Variants in CCDC47 observed in about 807,000 individuals in gnomAD.
The protein encoded by CCDC47 is PAT complex subunit CCDC47.
Under a neutral mutation model 60.5 loss-of-function variants are expected in CCDC47, and 41 were observed. That is an observed-to-expected ratio of 0.68 (90% CI 0.53 to 0.88). CCDC47 has a LOEUF of 0.88. CCDC47 is among the 40% of genes least tolerant of loss of function. CCDC47 has a pLI of 0.00. For missense variants in CCDC47, 513 were observed against 580.9 expected, an observed-to-expected ratio of 0.88 and a Z score of 1.20; for synonymous variants, 195 against 190.7, an observed-to-expected ratio of 1.02 and a Z score of -0.18.
At position 63,746,871 on chromosome 17, in the gene CCDC47, T is replaced by C; in HGVS notation, c.*10A>G. 6.2e-7 allele frequency: 1 copy of C among 1,607,214 alleles called. No individual in the cohort carries two copies. The highest frequency in any genetic ancestry group is 8.5e-7 in the Non-Finnish European group (1 of 1,173,864). ...CAGGTGGCATCAGAACTCAAATCTC[T>C]GGGATGGCTTTACATGGCTTTCACT... is the stretch of plus-strand genomic sequence containing the variant. On this transcript the variant is annotated 3_prime_UTR_variant, in exon 13 of 13. Transcript: ENST00000225726.
chr17:63,751,615 C>T (rs776256742), intron 12 of CCDC47, among the ~76,000 whole-genome samples: 3 of 151,874 alleles, frequency 2.0e-5, no homozygotes, highest in African/African-American at 4.8e-5. Context: ...GATAATAGGG[C>T]GCATGTGCTG....
chr17:63,754,891 G>GAA (rs368843852), intron 8 of CCDC47, among the ~76,000 whole-genome samples: 3,037 of 113,926 alleles, frequency 0.027, 44 homozygotes, highest in Middle Eastern at 0.049. Context: ...TCAAAAAAAA[G>GAA]AAAAAAAAAA....
intron 12 of CCDC47, chr17:63,747,265 A>G: frequency 1.0e-6 from 1 of 985,112 alleles, no homozygotes; most frequent in Non-Finnish European, 1.2e-6. Flanking sequence ...TTCTGTACCC[A>G]GGGAACACTT....
At chr17:63,750,194 C>T (rs977975512) in intron 12 of CCDC47, among the ~76,000 whole-genome samples, 2 of 152,046 alleles carry the variant, frequency 1.3e-5, no homozygotes, top group African/African-American at 4.8e-5. Context: ...AGTTTCAAAC[C>T]TTAGAAAGAA....
chr17:63,773,330 C>G (rs1483831646), intron 1 of CCDC47, 82 bp downstream of exon 1: 1 of 152,332 alleles, frequency 6.6e-6, no homozygotes, highest in South Asian at 2.1e-4. Context: ...TCAACCGGAC[C>G]GGGCTACAGG....
chr17:63,772,578 C>CT (rs144783551), intron 1 of CCDC47, among the ~76,000 whole-genome samples: 69 of 152,048 alleles, frequency 4.5e-4, no homozygotes, highest in Non-Finnish European at 3.8e-4. Flanking sequence ...ACTCTTAAAA[C>CT]TTTTTTTTCA....
chr17:63,749,481 C>T (rs1321428420), intron 12 of CCDC47, among the ~76,000 whole-genome samples: 3 of 139,012 alleles, frequency 2.2e-5, no homozygotes, highest in Admixed American at 1.4e-4. Context: ...AGACCTGGCA[C>T]GGTGGCTCAC....
chr17:63,751,854 C>G (rs1412060226), intron 12 of CCDC47, 86 bp downstream of exon 12: 1 of 1,438,052 alleles, frequency 7.0e-7, no homozygotes, highest in Non-Finnish European at 9.8e-7. Flanking sequence ...AACTTTTAGC[C>G]TACAAAGATT....
intron 2 of CCDC47, chr17:63,765,160 G>A (rs1011240831): frequency 2.8e-5 from 4 of 140,578 alleles, no homozygotes; most frequent in African/African-American, 1.0e-4. Flanking sequence ...ACACACGGAG[G>A]CAACTATGTT....
At chr17:63,750,118 A>T (rs1444832335) in intron 12 of CCDC47, among the ~76,000 whole-genome samples, 1 of 152,176 alleles carries the variant, frequency 6.6e-6, no homozygotes, top group Admixed American at 6.5e-5. Flanking sequence ...AATGATTTAC[A>T]TCGACAAGAA....
chr17:63,768,080 A>G (rs886577397), intron 1 of CCDC47, among the ~76,000 whole-genome samples: 1 of 152,208 alleles, frequency 6.6e-6, no homozygotes, highest in African/African-American at 2.4e-5. Context: ...GCATCTGTCT[A>G]AAACAGAACT....
At chr17:63,766,327 T>C (rs2039298217) in intron 1 of CCDC47, 133 bp from the exon 2 acceptor site, 1 of 818,396 alleles carries the variant, frequency 1.2e-6, no homozygotes, top group Non-Finnish European at 1.8e-6. Flanking sequence ...CCACATTATA[T>C]AAAGAACAAT....
chr17:63,756,596 A>T, intron 6 of CCDC47, 26 bp from the exon 7 acceptor site: 1 of 1,522,630 alleles, frequency 6.6e-7, no homozygotes, highest in Non-Finnish European at 9.1e-7. Context: ...AAAAAACAAC[A>T]AAATTCACCT....
In CCDC47 at chr17:63,764,016, C is replaced by T; in HGVS notation, c.547G>A (p.Gly183Arg). 2 of 1,584,524 alleles carry T rather than the reference C, an allele frequency of 1.3e-6. No individual in the cohort carries two copies. Among genetic ancestry groups the T allele is most frequent in the Non-Finnish European group, 8.5e-7 (1 of 1,169,716 alleles). The change falls in exon 4 of 13, where the codon GGG becomes AGG. Residue 183 changes from glycine (G) to arginine (R), a missense_variant and splice_region_variant. Coordinates refer to ENST00000225726, the MANE Select transcript of CCDC47 (RefSeq NM_020198.3). ...CTGGGCTGACATTGGCCTCACTTAC[C>T]CACTAAAGTAAAGTTGCTCTCCAAA... ...ELLESNFTLV[G>R]DDGTNKEATS...
chr17:63,765,095 A>G (rs2039287563), intron 2 of CCDC47: 1 of 277,722 alleles, frequency 3.6e-6, no homozygotes. Context: ...AAATCTGCTA[A>G]GAGAATATAT....
At chr17:63,765,091 G>T (rs2039287481) in intron 2 of CCDC47, 1 of 299,910 alleles carries the variant, frequency 3.3e-6, no homozygotes. Flanking sequence ...CTTGAAATCT[G>T]CTAAGAGAAT....
rs1013688865 is a variant in CCDC47, at chr17:63,767,469, C to CAA, written c.-19-1277_-19-1276dup. Among the ~76,000 whole-genome samples, 162 of 143,822 alleles carry CAA rather than the reference C, an allele frequency of 1.1e-3. 1 individual carries two copies. Among genetic ancestry groups the CAA allele is most frequent in the African/African-American group, 3.7e-3 (146 of 39,240 alleles). 94.4% of individuals were successfully genotyped at this position (143,822 alleles called of 152,430 possible). A position where few individuals can be genotyped will look rare whatever the true frequency, so the allele number is the denominator to read the frequency against. On this transcript the variant is annotated intron_variant, in intron 1 of 12. Coordinates refer to ENST00000225726, the MANE Select transcript of CCDC47 (RefSeq NM_020198.3). ...ATTTTCCCAAATAGGTAAGGCTTTA[C>CAA]AAAAAAAAAAGTGGGGAGACCATTT...
In CCDC47 at chr17:63,756,337, C is replaced by T. The variant is rs1431221474; in HGVS notation, c.851G>A (p.Ser284Asn). The T allele has an allele frequency of 1.9e-6, 3 of 1,613,630 alleles. No individual in the cohort carries two copies. Among genetic ancestry groups the T allele is most frequent in the Admixed American group, 1.7e-5 (1 of 60,000 alleles). Residue 284 changes from serine to asparagine, a missense_variant, in exon 8 of 13, where the codon AGT becomes AAT. Physicochemically the swap from Ser to Asn is conservative, Grantham distance 46 (BLOSUM62 1). Coordinates refer to ENST00000225726, the MANE Select transcript of CCDC47 (RefSeq NM_020198.3). The part of the protein sequence containing the change: ...KEMQDLSEFC[S>N]DKPKSGAKYG... ...CTTTGCTCCAGACTTAGGTTTATCA[C>T]TACAAAACTCACTCTAGAGGAAGAA... is the stretch of plus-strand genomic sequence containing the variant.
intron 2 of CCDC47, chr17:63,765,655 A>G (rs1418822151): frequency 2.4e-6 from 3 of 1,231,886 alleles, no homozygotes; most frequent in East Asian, 8.0e-5. Context: ...CAAAGTTCTA[A>G]ATAATACAAT....
Sources: allele counts gnomAD v4.1 joint callset (sites outside exome capture counted in the v4.1 genomes callset), GRCh38; gene constraint gnomAD v4.1.1; transcripts MANE v1.5; gene names NCBI Gene and HGNC (gene_info 2026-07-23, HGNC 2026-07-21).